Variants in ZNF730 observed in about 807,000 individuals in gnomAD.
ZNF730 encodes the protein zinc finger protein 730, also known as putative zinc finger protein 730.
In ZNF730, 12 loss-of-function variants were observed where a neutral mutation model predicts 12.6. The observed-to-expected ratio is 0.95, with a 90% CI of 0.61 to 1.54. The LOEUF (loss-of-function observed/expected upper bound fraction) is 1.54, where lower values mean the gene tolerates loss of function less well. Among genes scored for constraint, ZNF730 ranks in the 40% most tolerant of loss-of-function variants. ZNF730 has a pLI of 0.00. For synonymous variants in ZNF730, 194 were observed against 195.8 expected (o/e 0.99, Z 0.08); for missense variants, 643 against 583.5 (o/e 1.10, Z -1.05).
chr19:23,119,940 C>T (rs1970578699), intron 1 of ZNF730, among the ~76,000 whole-genome samples: 1 of 150,684 alleles, frequency 6.6e-6, no homozygotes, highest in African/African-American at 2.4e-5. Context: ...TTTCTTTGTA[C>T]ATTTGTTAGA....
At chr19:23,135,866 A>C in intron 2 of ZNF730, 82 bp from the exon 3 acceptor site, 2 of 1,302,814 alleles carry the variant, frequency 1.5e-6, no homozygotes, top group Non-Finnish European at 2.1e-6. Flanking sequence ...AGAATATTCC[A>C]TTACATTCTC....
At chr19:23,101,869 C>T (rs748954005) in intron 1 of ZNF730, among the ~76,000 whole-genome samples, 9 of 152,258 alleles carry the variant, frequency 5.9e-5, no homozygotes, top group Middle Eastern at 3.4e-3. Context: ...TGCCCGGCCT[C>T]GCTGGGCCTT....
At position 23,135,977 on chromosome 19, in the gene ZNF730, A is replaced by G. The variant is rs1423403048; in HGVS notation, c.160A>G (p.Thr54Ala). ...GIAVSKPDLI[T>A]CLEQEKEPWN... is the part of the protein sequence containing the mutation. ...TGCTGTCTCAAAGCCAGACCTGATC[A>G]CCTGTCTGGAGCAAGAAAAAGAGCC... Residue 54 changes from threonine to alanine, a missense_variant, in exon 3 of 4, where the codon ACC (threonine) becomes GCC (alanine). Transcript: ENST00000597761. The G allele has an allele frequency of 6.2e-7, 1 of 1,609,748 alleles. No homozygotes were observed. Among genetic ancestry groups the G allele is most frequent in the Non-Finnish European group, 8.5e-7 (1 of 1,178,012 alleles).
At position 23,146,498 on chromosome 19, in the gene ZNF730, G is replaced by A. The variant is rs1971015685; in HGVS notation, c.1454G>A (p.Cys485Tyr). 1.3e-6 allele frequency: 2 copies of A among 1,598,464 alleles called. No individual in the cohort carries two copies. The highest frequency in any genetic ancestry group is 2.7e-5 in the African/African-American group (2 of 74,508). Residue 485 changes from cysteine to tyrosine, a missense_variant, in exon 4 of 4, where the codon TGT (cysteine) becomes TAT (tyrosine). Cys to Tyr is a radical substitution (Grantham distance 194, BLOSUM62 -2). Coordinates refer to ENST00000597761, the MANE Select transcript of ZNF730 (RefSeq NM_001277403.2). ...GAAAAAATCTACAAATGTAAAGAAT[G>A]TGGTAAAGCCTTTAGGCGGTTCTCA... The part of the protein sequence containing the change: ...SGEKIYKCKE[C>Y]GKAFRRFSHL...
chr19:23,115,474 C>T (rs780885114), upstream of ZNF730, among the ~76,000 whole-genome samples: 7 of 152,180 alleles, frequency 4.6e-5, no homozygotes, highest in East Asian at 1.9e-4. Flanking sequence ...ACCCTAGATA[C>T]GGCTGACCTT....
intron 1 of ZNF730, among the ~76,000 whole-genome samples, chr19:23,086,144 C>T (rs1970061586): frequency 6.6e-6 from 1 of 152,100 alleles, no homozygotes; most frequent in African/African-American, 2.4e-5. Flanking sequence ...TGCCCGGCCC[C>T]ACCCAATTTT....
intron 1 of ZNF730, chr19:23,126,537 C>T: frequency 5.0e-6 from 2 of 399,690 alleles, no homozygotes; most frequent in South Asian, 4.7e-5. Flanking sequence ...TGAAGGAAGG[C>T]AGCCCTTTTC....
chr19:23,108,688 T>C (rs552491516), intron 1 of ZNF730, among the ~76,000 whole-genome samples: 1 of 152,360 alleles, frequency 6.6e-6, no homozygotes, highest in African/African-American at 2.4e-5. Context: ...TTTAATCCTT[T>C]GACATATTTG....
chr19:23,093,157 G>A (rs1970185468), intron 1 of ZNF730, among the ~76,000 whole-genome samples: 1 of 152,056 alleles, frequency 6.6e-6, no homozygotes, highest in Admixed American at 6.6e-5. Flanking sequence ...TGTATTTTTA[G>A]TAGATACAGG....
At chr19:23,109,844 G>GCC (rs1277199458) in intron 1 of ZNF730, among the ~76,000 whole-genome samples, 2 of 151,952 alleles carry the variant, frequency 1.3e-5, no homozygotes, top group Admixed American at 6.6e-5. Flanking sequence ...ACCGTGCCCA[G>GCC]CCAATGTATG....
At chr19:23,145,229 A>G (rs751892415) in intron 3 of ZNF730, 42 bp from the exon 4 acceptor site, 1 of 1,315,142 alleles carries the variant, frequency 7.6e-7, no homozygotes, top group South Asian at 2.0e-5. Flanking sequence ...AACTATACTC[A>G]GTCTAGTACA....
chr19:23,106,776 G>C (rs1237003236), intron 1 of ZNF730, among the ~76,000 whole-genome samples: 1 of 146,760 alleles, frequency 6.8e-6, no homozygotes, highest in Non-Finnish European at 1.5e-5. Flanking sequence ...GGCCACGAGA[G>C]CGAGAACTGC....
chr19:23,082,593 C>T (rs985667051), intron 1 of ZNF730, among the ~76,000 whole-genome samples: 36 of 152,196 alleles, frequency 2.4e-4, no homozygotes, highest in Non-Finnish European at 4.4e-4. Context: ...GCAGTCCACC[C>T]GCCTCAGCCT....
intron 1 of ZNF730, among the ~76,000 whole-genome samples, chr19:23,111,576 G>A (rs958645514): frequency 6.6e-6 from 1 of 151,808 alleles, no homozygotes; most frequent in African/African-American, 2.4e-5. Context: ...GTGAAACCCC[G>A]TCTCTACTAA....
upstream of ZNF730, among the ~76,000 whole-genome samples, chr19:23,116,573 CTTT>C (rs5827552): frequency 4.6e-5 from 4 of 86,914 alleles, no homozygotes; most frequent in East Asian, 1.1e-3. Flanking sequence ...CTCCCAGCTA[CTTT>C]TTTTTTTTTT....
chr19:23,096,186 C>G (rs1970248143), intron 1 of ZNF730, among the ~76,000 whole-genome samples: 1 of 152,070 alleles, frequency 6.6e-6, no homozygotes, highest in Admixed American at 6.5e-5. Flanking sequence ...TGTTTGGGCC[C>G]TCTTCTCAAG....
intron 1 of ZNF730, among the ~76,000 whole-genome samples, chr19:23,133,776 CTCTT>C (rs1414331970): frequency 1.3e-5 from 2 of 152,218 alleles, no homozygotes; most frequent in Admixed American, 1.3e-4. Context: ...GTTTACACAA[CTCTT>C]TCTGTATGAT....
At chr19:23,126,479 C>G in intron 1 of ZNF730, 2 of 334,492 alleles carry the variant, frequency 6.0e-6, no homozygotes, top group South Asian at 6.0e-5. Flanking sequence ...TTATTTGTTT[C>G]CAGTGAGCAT....
chr19:23,126,412 C>T (rs1002171293), intron 1 of ZNF730, among the ~76,000 whole-genome samples: 3 of 152,218 alleles, frequency 2.0e-5, no homozygotes, highest in African/African-American at 7.2e-5. Flanking sequence ...ATCGCCTGTA[C>T]ATGGTGCTGC....
Sources: allele counts gnomAD v4.1 joint callset (sites outside exome capture counted in the v4.1 genomes callset), GRCh38; gene constraint gnomAD v4.1.1; transcripts MANE v1.5; gene names NCBI Gene and HGNC (gene_info 2026-07-23, HGNC 2026-07-21).